PCDHGB5: variants seen among roughly 807,000 people sequenced by gnomAD.
PCDHGB5 encodes the protein protocadherin gamma-B5.
PCDHGB5 carries 48 observed loss-of-function variants against 62.9 expected under a neutral mutation model. The observed-to-expected ratio is 0.76, with a 90% confidence interval of 0.61 to 0.97. The LOEUF (loss-of-function observed/expected upper bound fraction) is 0.97, where lower values mean the gene tolerates loss of function less well. Among genes scored for constraint, PCDHGB5 ranks in the 50% least tolerant of loss-of-function variants. The pLI is 0.00. For missense variants in PCDHGB5, 1,118 were observed against 1,198.6 expected, an observed-to-expected ratio of 0.93 and a Z score of 0.99; for synonymous variants, 474 against 511.2, an observed-to-expected ratio of 0.93 and a Z score of 0.98.
intron 1 of PCDHGB5, among the ~76,000 whole-genome samples, chr5:141,438,620 A>G (rs2098023964): frequency 1.0e-4 from 4 of 39,044 alleles, no homozygotes; most frequent in African/African-American, 8.0e-4. Flanking sequence ...ATATATATAT[A>G]TATATATATA....
chr5:141,483,648 T>TTGTGTGTGTGTG (rs111458813), intron 1 of PCDHGB5, among the ~76,000 whole-genome samples: 51 of 149,708 alleles, frequency 3.4e-4, no homozygotes, highest in African/African-American at 1.2e-3. Context: ...GGGTGTGTGT[T>TTGTGTGTGTGTG]TGTGTGTGTG....
chr5:141,433,108 G>A (rs2097568903), intron 1 of PCDHGB5: 2 of 1,614,146 alleles, frequency 1.2e-6, no homozygotes, highest in East Asian at 2.2e-5. Context: ...TCAGCCAGGA[G>A]AGCTTTGAAA....
At chr5:141,508,604 A>G (rs2099870124) in intron 3 of PCDHGB5, among the ~76,000 whole-genome samples, 1 of 152,150 alleles carries the variant, frequency 6.6e-6, no homozygotes, top group African/African-American at 2.4e-5. Flanking sequence ...TCTTGGGTGC[A>G]CATAGGACGT....
chr5:141,399,589 A>G lies in PCDHGB5; in HGVS notation c.1462A>G (p.Met488Val), dbSNP rs1460754588. ...GLNGQVSYSIMASDLEPLALA... is the reference protein window; with the variant it reads ...GLNGQVSYSIVASDLEPLALA... ...GAACGGCCAAGTCTCCTACTCTATC[A>G]TGGCCAGCGACCTAGAGCCTCTGGC... Residue 488 changes from methionine (M) to valine (V), a missense_variant, in exon 1 of 4, where the codon ATG (methionine) becomes GTG (valine). Met to Val is a conservative substitution (Grantham distance 21). This residue lies in a region of PCDHGB5 where 1,034 missense variants were observed against 1,029.1 expected (regional missense o/e 1.00). Coordinates refer to ENST00000617380, the MANE Select transcript of PCDHGB5 (RefSeq NM_018925.3). 6 of 1,613,866 alleles carry G rather than the reference A, an allele frequency of 3.7e-6. No individual in the cohort carries two copies. The highest frequency in any genetic ancestry group is 3.4e-6 in the Non-Finnish European group (4 of 1,179,894).
chr5:141,447,023 G>GTTT, intron 1 of PCDHGB5, among the ~76,000 whole-genome samples: 1 of 151,542 alleles, frequency 6.6e-6, no homozygotes, highest in African/African-American at 2.4e-5. Context: ...GTTTTGTTTT[G>GTTT]TTTTTTTTCT....
chr5:141,449,930 A>G (rs1353778264), intron 1 of PCDHGB5, among the ~76,000 whole-genome samples: 1 of 151,614 alleles, frequency 6.6e-6, no homozygotes, highest in East Asian at 1.9e-4. Context: ...ACCATACCTT[A>G]TAGTATATTT....
chr5:141,473,219 G>A (rs1198994780), intron 1 of PCDHGB5, among the ~76,000 whole-genome samples: 2 of 151,864 alleles, frequency 1.3e-5, no homozygotes, highest in Non-Finnish European at 2.9e-5. Flanking sequence ...TTACTTCCAG[G>A]GAGATTGGAT....
intron 1 of PCDHGB5, chr5:141,471,361 C>T (rs1206745378): frequency 6.6e-6 from 1 of 151,976 alleles, no homozygotes; most frequent in Non-Finnish European, 1.5e-5. Context: ...TCCAAGCCCC[C>T]TATTTTTATT....
At chr5:141,441,004 C>G (rs1258800474) in intron 1 of PCDHGB5, 1 of 152,066 alleles carries the variant, frequency 6.6e-6, no homozygotes, top group African/African-American at 2.4e-5. Flanking sequence ...TCTAGTTTGG[C>G]CTTGATCAAA....
rs74792071 is a variant in PCDHGB5 at position 141,437,248 on chromosome 5, T to C, written c.2397+36724T>C. 4.6e-3 allele frequency among the ~76,000 whole-genome samples: 704 copies of C among 152,360 alleles called. 4 individuals carry two copies. The highest frequency in any genetic ancestry group is 0.015 in the African/African-American group (641 of 41,594). On this transcript the variant is annotated intron_variant, in intron 1 of 3. Transcript: ENST00000617380. ...CATAAAATTATGTCAAGGACTTTCC[T>C]TGTCTTTTTATGTGTATGACAGATG... is the stretch of plus-strand genomic sequence containing the variant.
intron 1 of PCDHGB5, among the ~76,000 whole-genome samples, chr5:141,456,842 A>G (rs1374546355): frequency 6.6e-6 from 1 of 152,150 alleles, no homozygotes; most frequent in African/African-American, 2.4e-5. Flanking sequence ...GGGCGCCTGT[A>G]ATCCCAGCTA....
chr5:141,476,738 C>T lies in PCDHGB5; in HGVS notation c.2398-18069C>T. 6.2e-7 allele frequency: 1 copy of T among 1,614,076 alleles called. No individual in the cohort carries two copies. The highest frequency in any genetic ancestry group is 2.2e-5 in the East Asian group (1 of 44,880). On this transcript the variant is annotated intron_variant, in intron 1 of 3. Transcript: ENST00000617380. This position sits in a 1 kb window ranked among gnomAD's most constrained non-coding sequence, Gnocchi z 7.6. Reference sequence around the variant, plus strand: ...GCGCGCCCTGGACCGAGAACGGGAGCCTAGTCTCCAGTTAGTGCTGACGGC... The same window carrying T: ...GCGCGCCCTGGACCGAGAACGGGAGTCTAGTCTCCAGTTAGTGCTGACGGC...
intron 1 of PCDHGB5, among the ~76,000 whole-genome samples, chr5:141,445,793 CAG>C (rs1466260011): frequency 6.6e-6 from 1 of 152,132 alleles, no homozygotes; most frequent in Admixed American, 6.5e-5. Context: ...AGGCTAGAAA[CAG>C]AAAATAAATA....
At position 141,486,134 on chromosome 5, in the gene PCDHGB5, C is replaced by T; in HGVS notation, c.2398-8673C>T. 6.2e-7 allele frequency: 1 copy of T among 1,614,168 alleles called. No homozygotes were observed. ...TGAGAATTACTATGAATTTGATGTG[C>T]GGGCTCGCGATGGGGGTTCTCCAGC... On this transcript the variant is annotated intron_variant, in intron 1 of 3. Coordinates refer to ENST00000617380, the MANE Select transcript of PCDHGB5 (RefSeq NM_018925.3). The surrounding 1 kb of genome is among the most constrained non-coding windows in gnomAD (Gnocchi z 5.0).
intron 1 of PCDHGB5, chr5:141,403,774 C>T (rs1350465491): frequency 1.9e-6 from 3 of 1,613,668 alleles, no homozygotes; most frequent in Non-Finnish European, 1.7e-6. Flanking sequence ...AGGGAATCAA[C>T]GGAAAAGTGG....
chr5:141,427,146 A>G (rs901147622), intron 1 of PCDHGB5: 10 of 456,872 alleles, frequency 2.2e-5, no homozygotes, highest in Admixed American at 7.0e-5. Context: ...TGATATTGGA[A>G]ATATGTTTGT....
chr5:141,510,251 C>G (rs569804850), intron 3 of PCDHGB5, among the ~76,000 whole-genome samples: 1 of 144,724 alleles, frequency 6.9e-6, no homozygotes, highest in African/African-American at 2.6e-5. Flanking sequence ...CCAGGCTGGG[C>G]GACAGAGCAG....
At chr5:141,480,703 C>T (rs577131684) in intron 1 of PCDHGB5, among the ~76,000 whole-genome samples, 10 of 152,252 alleles carry the variant, frequency 6.6e-5, no homozygotes, top group Admixed American at 1.3e-4. Flanking sequence ...GGCCACACCC[C>T]GACAAATGAA....
intron 1 of PCDHGB5, chr5:141,423,577 G>A (rs1348410879): frequency 6.2e-7 from 1 of 1,613,478 alleles, no homozygotes; most frequent in Non-Finnish European, 8.5e-7. Context: ...CATCAGCCAG[G>A]AGAGCTGTGA....
Sources: allele counts gnomAD v4.1 joint callset (sites outside exome capture counted in the v4.1 genomes callset), GRCh38; gene constraint gnomAD v4.1.1; regional missense constraint gnomAD v4.1.1; non-coding constraint Gnocchi (gnomAD v3.1); transcripts MANE v1.5; gene names NCBI Gene and HGNC (gene_info 2026-07-23, HGNC 2026-07-21).